The following ZNG1C variants were observed in gnomAD, a reference collection of about 807,000 sequenced individuals.
ZNG1C encodes the protein Zn regulated GTPase metalloprotein activator 1C, also known as zinc-regulated GTPase metalloprotein activator 1C.
chr9:68,257,657 TTTTA>T, the ZNG1C span, among the ~76,000 whole-genome samples: 1 of 122,916 alleles, frequency 8.1e-6, no homozygotes, highest in East Asian at 2.0e-4. Flanking sequence ...ATATTTTTGC[TTTTA>T]TTTTCTCTTG....
chr9:68,251,004 A>C, the ZNG1C span: 1 of 336,322 alleles, frequency 3.0e-6, no homozygotes, highest in Non-Finnish European at 5.7e-6. Context: ...ACTTGAGCTC[A>C]GGAGTTTGAG....
chr9:68,247,167 C>T, the ZNG1C span, among the ~76,000 whole-genome samples: 2 of 152,170 alleles, frequency 1.3e-5, no homozygotes, highest in South Asian at 2.1e-4. Flanking sequence ...GGTTTTTACT[C>T]ATTGGGAATA....
the ZNG1C span, chr9:68,247,646 A>G: frequency 6.8e-7 from 1 of 1,481,026 alleles, no homozygotes; most frequent in African/African-American, 1.5e-5. Context: ...GCTGTCAGCC[A>G]AGGTGGAGAG....
At chr9:68,256,014 C>A in the ZNG1C span, among the ~76,000 whole-genome samples, 1 of 152,164 alleles carries the variant, frequency 6.6e-6, no homozygotes, top group Admixed American at 6.6e-5. Flanking sequence ...ATCTTGTGGC[C>A]CTTGCTATAT....
At chr9:68,249,082 G>A in the ZNG1C span, 4 of 567,214 alleles carry the variant, frequency 7.1e-6, no homozygotes, top group South Asian at 8.6e-5. Context: ...AATGATCAGA[G>A]TATTTCTTGG....
chr9:68,268,548 T>A, the ZNG1C span, among the ~76,000 whole-genome samples: 10 of 151,986 alleles, frequency 6.6e-5, no homozygotes, highest in Non-Finnish European at 1.2e-4. Context: ...CATGTATGCC[T>A]GAGGAAAAAA....
chr9:68,250,593 GCA>G, the ZNG1C span: 75 of 6,402 alleles, frequency 0.012, no homozygotes, highest in Non-Finnish European at 0.017. Flanking sequence ...ACATGCACAC[GCA>G]CACACACACA....
the ZNG1C span, among the ~76,000 whole-genome samples, chr9:68,247,262 A>G: frequency 3.3e-5 from 5 of 151,792 alleles, no homozygotes; most frequent in Admixed American, 6.6e-5. Context: ...TGAAGGGCAT[A>G]CAGAATCCAG....
chr9:68,286,989 T>C, the ZNG1C span, among the ~76,000 whole-genome samples: 4 of 151,826 alleles, frequency 2.6e-5, no homozygotes, highest in East Asian at 7.7e-4. Context: ...TGAAGCACAT[T>C]TGAGCTTCTG....
chr9:68,254,566 GA>G, the ZNG1C span: 3 of 152,114 alleles, frequency 2.0e-5, no homozygotes, highest in Non-Finnish European at 2.9e-5. Context: ...GTGCTGATGG[GA>G]AATATTTTTA....
chr9:68,268,460 T>TG, the ZNG1C span, among the ~76,000 whole-genome samples: 1 of 151,328 alleles, frequency 6.6e-6, no homozygotes, highest in African/African-American at 2.4e-5. Context: ...AGAATTACTG[T>TG]GAATACTAAG....
At chr9:68,247,721 G>C in the ZNG1C span, 1 of 680,724 alleles carries the variant, frequency 1.5e-6, no homozygotes, top group South Asian at 1.9e-5. Context: ...TGAGGAATGT[G>C]TTTACTGTGT....
At chr9:68,281,198 C>A in the ZNG1C span, among the ~76,000 whole-genome samples, 4 of 152,186 alleles carry the variant, frequency 2.6e-5, no homozygotes, top group Non-Finnish European at 4.4e-5. Context: ...CTTTGGCTCG[C>A]GGATGGAGCA....
At chr9:68,291,214 G>T in the ZNG1C span, among the ~76,000 whole-genome samples, 424 of 83,414 alleles carry the variant, frequency 5.1e-3, no homozygotes, top group African/African-American at 0.018. Context: ...CTTAACGTGA[G>T]ACCTACCTTC....
chr9:68,257,827 G>A, the ZNG1C span, among the ~76,000 whole-genome samples: 2 of 124,340 alleles, frequency 1.6e-5, no homozygotes, highest in Non-Finnish European at 3.3e-5. Context: ...AAAACCAGTC[G>A]AAATTTTCTT....
chr9:68,293,416 CAACT>C, the ZNG1C span, among the ~76,000 whole-genome samples: 6 of 135,812 alleles, frequency 4.4e-5, no homozygotes, highest in Non-Finnish European at 8.0e-5. Flanking sequence ...ATTCACCAAC[CAACT>C]ATCTGTTGCC....
At chr9:68,276,666 C>A in the ZNG1C span, among the ~76,000 whole-genome samples, 1 of 90,784 alleles carries the variant, frequency 1.1e-5, no homozygotes, top group African/African-American at 4.2e-5. Flanking sequence ...TGATCTATAT[C>A]TCTGTTTTGG....
the ZNG1C span, chr9:68,251,336 TAATG>T: frequency 5.0e-6 from 2 of 397,354 alleles, no homozygotes; most frequent in African/African-American, 4.6e-5. Context: ...CATAAGATAA[TAATG>T]AAGTTTGCTG....
the ZNG1C span, among the ~76,000 whole-genome samples, chr9:68,281,656 C>G: frequency 9.0e-5 from 10 of 111,022 alleles, no homozygotes; most frequent in Non-Finnish European, 1.7e-4. Context: ...GTCTTCATAG[C>G]CCCTGGCATC....
Sources: allele counts gnomAD v4.1 joint callset (sites outside exome capture counted in the v4.1 genomes callset), GRCh38; gene constraint gnomAD v4.1.1; transcripts MANE v1.5; gene names NCBI Gene and HGNC (gene_info 2026-07-23, HGNC 2026-07-21).